ARIH1: variants seen among roughly 807,000 people sequenced by gnomAD.
The protein encoded by ARIH1 is ariadne RBR E3 ubiquitin protein ligase 1.
A neutral mutation model predicts 85.0 loss-of-function variants in ARIH1; 8 were observed. The observed-to-expected ratio is 0.09, with a 90% CI of 0.06 to 0.17. ARIH1 has a LOEUF of 0.17. Ranked by LOEUF, ARIH1 falls within the 10% of genes least tolerant of loss-of-function variation. The probability of loss-of-function intolerance (pLI) is 1.00; values close to 1 mark genes in which losing one functional copy is unlikely to be tolerated. For synonymous variants in ARIH1, 238 were observed against 253.6 expected (o/e 0.94, Z 0.59); for missense variants, 311 against 718.1 (o/e 0.43, Z 6.48).
intron 3 of ARIH1, among the ~76,000 whole-genome samples, chr15:72,547,204 G>C (rs1222354296): frequency 2.7e-5 from 4 of 149,812 alleles, no homozygotes; most frequent in Non-Finnish European, 5.9e-5. Context: ...TGGGATTACA[G>C]GCGTGAGCCA....
intron 2 of ARIH1, 121 bp downstream of exon 2, chr15:72,518,255 C>T (rs2063983809): frequency 4.3e-6 from 3 of 693,026 alleles, no homozygotes; most frequent in Non-Finnish European, 7.0e-6. Context: ...ACCCAGTGTG[C>T]AACTAGTGAC....
rs974219823 is a variant in ARIH1 at position 72,602,285 on chromosome 15, T to C, written c.*18993T>C. 3.8e-4 allele frequency: 58 copies of C among 152,380 alleles called. No homozygotes were observed. Among genetic ancestry groups the C allele is most frequent in the African/African-American group, 1.3e-3 (54 of 41,592 alleles). 9.4% of individuals were successfully genotyped at this position (152,380 alleles called of 1,614,324 possible). Reference sequence around the variant, plus strand: ...TGGAAGTTTTATGAATTCCCACTAGTGAATGCATTTGTCCTCACAATTATG... The same window carrying C: ...TGGAAGTTTTATGAATTCCCACTAGCGAATGCATTTGTCCTCACAATTATG... On this transcript the variant is annotated 3_prime_UTR_variant, in exon 14 of 14. Coordinates refer to ENST00000379887, the MANE Select transcript of ARIH1 (RefSeq NM_005744.5).
chr15:72,562,972 A>G (rs560224636), intron 6 of ARIH1, among the ~76,000 whole-genome samples: 3 of 151,662 alleles, frequency 2.0e-5, no homozygotes, highest in East Asian at 3.9e-4. Context: ...TTGTGTAATT[A>G]TCCCCCATTT....
chr15:72,484,560 T>C (rs1431063879), intron 1 of ARIH1, among the ~76,000 whole-genome samples: 1 of 151,998 alleles, frequency 6.6e-6, no homozygotes, highest in Admixed American at 6.6e-5. Context: ...GAATAATAAG[T>C]CTCCAATCCC....
chr15:72,555,732 G>T, intron 4 of ARIH1, 120 bp from the exon 5 acceptor site: 1 of 792,244 alleles, frequency 1.3e-6, no homozygotes, highest in Non-Finnish European at 2.1e-6. Context: ...AGGAGAAAGG[G>T]AAGGATTGAG....
intron 5 of ARIH1, among the ~76,000 whole-genome samples, 190 bp downstream of exon 5, chr15:72,556,097 C>T (rs1055888083): frequency 2.0e-5 from 3 of 152,190 alleles, no homozygotes; most frequent in South Asian, 2.1e-4. Context: ...TTCTTACAAA[C>T]TTAGAAATGC....
chr15:72,534,442 A>G (rs2064071873), intron 2 of ARIH1, among the ~76,000 whole-genome samples: 1 of 152,168 alleles, frequency 6.6e-6, no homozygotes, highest in South Asian at 2.1e-4. Context: ...CTTCTCTAGG[A>G]TTGTGTTATT....
At chr15:72,544,178 C>T (rs1186905056) in intron 2 of ARIH1, among the ~76,000 whole-genome samples, 1 of 151,524 alleles carries the variant, frequency 6.6e-6, no homozygotes, top group East Asian at 1.9e-4. Context: ...TGTTTTATTC[C>T]TCCTCCTTTC....
At chr15:72,532,073 A>G (rs1314430995) in intron 2 of ARIH1, among the ~76,000 whole-genome samples, 4 of 152,208 alleles carry the variant, frequency 2.6e-5, no homozygotes, top group South Asian at 2.1e-4. Context: ...AAGAACAACA[A>G]AATAAATATA....
In ARIH1 at chr15:72,587,662, T is replaced by G. The variant is rs1713446265; in HGVS notation, c.*4370T>G. ...GCTCCTTCAGAAACAGGAAGATAAG[T>G]GGGCCCCTCAGATTTTTCATATATC... On this transcript the variant is annotated 3_prime_UTR_variant, in exon 14 of 14. Coordinates refer to ENST00000379887, the MANE Select transcript of ARIH1 (RefSeq NM_005744.5). The G allele has an allele frequency of 6.5e-6, 1 of 154,316 alleles. No homozygotes were observed. Among genetic ancestry groups the G allele is most frequent in the Admixed American group, 6.5e-5 (1 of 15,336 alleles). 9.6% of individuals were successfully genotyped at this position (154,316 alleles called of 1,614,324 possible). A position where few individuals can be genotyped will look rare whatever the true frequency, so the allele number is the denominator to read the frequency against.
At chr15:72,483,364 A>G (rs2063824080) in intron 1 of ARIH1, among the ~76,000 whole-genome samples, 1 of 152,236 alleles carries the variant, frequency 6.6e-6, no homozygotes, top group African/African-American at 2.4e-5. Context: ...GGCCCATACG[A>G]TGGAAGCCAC....
intron 1 of ARIH1, among the ~76,000 whole-genome samples, chr15:72,499,930 C>G (rs955957433): frequency 6.6e-6 from 1 of 152,208 alleles, no homozygotes; most frequent in African/African-American, 2.4e-5. Flanking sequence ...CCCTGCAACA[C>G]TCTTAGGCTG....
Position 72,593,094 on chromosome 15 carries a change from A to C in ARIH1, c.*9802A>C, listed in dbSNP as rs1168251774. ...AACATTTACACTGTCACTGTTTTTTATATTAGCCATTTTAGCATATATGAA... is the reference window on the plus strand; with the variant it reads ...AACATTTACACTGTCACTGTTTTTTCTATTAGCCATTTTAGCATATATGAA... On this transcript the variant is annotated 3_prime_UTR_variant, in exon 14 of 14. Coordinates refer to ENST00000379887, the MANE Select transcript of ARIH1 (RefSeq NM_005744.5). The C allele has an allele frequency of 6.6e-6, 1 of 152,128 alleles. No individual in the cohort carries two copies. Among genetic ancestry groups the C allele is most frequent in the Non-Finnish European group, 1.5e-5 (1 of 67,994 alleles). The allele number at this position is 152,128 out of a possible 1,614,324, so 9.4% of individuals were successfully genotyped here.
At chr15:72,521,747 C>G (rs2140413021) in intron 2 of ARIH1, among the ~76,000 whole-genome samples, 1 of 152,220 alleles carries the variant, frequency 6.6e-6, no homozygotes, top group East Asian at 1.9e-4. Context: ...GAGGGTTTCA[C>G]CATGTTGGCC....
chr15:72,514,864 G>T (rs2063967722), intron 1 of ARIH1, among the ~76,000 whole-genome samples: 1 of 152,004 alleles, frequency 6.6e-6, no homozygotes. Context: ...GCTGAGTGTG[G>T]TGGCATGCCC....
rs566260017 is a variant in ARIH1, at chr15:72,547,220, C to A, written c.588+2256C>A. 2.7e-4 allele frequency among the ~76,000 whole-genome samples: 33 copies of A among 120,194 alleles called. No homozygotes were observed. The South Asian group carries it at 0.01, about 37-fold the overall frequency. The allele number at this position is 120,194 out of a possible 152,430, so 78.9% of individuals were successfully genotyped here. ...GGGATTACAGGCGTGAGCCACCGCG[C>A]CTGGCCTCTTTCCTTTTCTCTTTTT... is the stretch of plus-strand genomic sequence containing the variant. On this transcript the variant is annotated intron_variant, in intron 3 of 13. Transcript: ENST00000379887.
Position 72,474,648 on chromosome 15 carries a change from G to A in ARIH1, c.9G>A (p.Ser3=), listed in dbSNP as rs2063785858. MD[S]DEGYNYEFDE... ...CCCCCGCGCGTCGCGCCATGGACTC[G>A]GACGAGGGCTACAACTACGAGTTCG... is the stretch of plus-strand genomic sequence containing the variant. Residue 3 remains serine, a synonymous_variant, in exon 1 of 14, where the codon TCG becomes TCA. Coordinates refer to ENST00000379887, the MANE Select transcript of ARIH1 (RefSeq NM_005744.5). The A allele has an allele frequency of 6.5e-7, 1 of 1,533,562 alleles. No homozygotes were observed. Among genetic ancestry groups the A allele is most frequent in the Non-Finnish European group, 8.8e-7 (1 of 1,141,680 alleles). 95.0% of individuals were successfully genotyped at this position (1,533,562 alleles called of 1,614,324 possible).
At chr15:72,517,857 A>G (rs956825776) in intron 1 of ARIH1, among the ~76,000 whole-genome samples, 2 of 152,138 alleles carry the variant, frequency 1.3e-5, no homozygotes, top group Non-Finnish European at 2.9e-5. Context: ...TTTTAATCCT[A>G]AAGAAACCTG....
At chr15:72,516,272 A>G (rs947684983) in intron 1 of ARIH1, among the ~76,000 whole-genome samples, 2 of 152,184 alleles carry the variant, frequency 1.3e-5, no homozygotes, top group African/African-American at 4.8e-5. Flanking sequence ...ATAGTCATGC[A>G]ATTTTAGTTA....
Sources: allele counts gnomAD v4.1 joint callset (sites outside exome capture counted in the v4.1 genomes callset), GRCh38; gene constraint gnomAD v4.1.1; transcripts MANE v1.5; gene names NCBI Gene and HGNC (gene_info 2026-07-23, HGNC 2026-07-21).